DLGAP2: variants seen among roughly 807,000 people sequenced by gnomAD.
DLGAP2 encodes the protein disks large-associated protein 2.
Under a neutral mutation model 100.3 loss-of-function variants are expected in DLGAP2, and 26 were observed. The observed-to-expected ratio is 0.26, with a 90% CI of 0.19 to 0.36. DLGAP2 has a LOEUF of 0.36. Ranked by LOEUF, DLGAP2 falls within the 10% of genes least tolerant of loss-of-function variation. The pLI is 1.00. For missense variants in DLGAP2, 1,858 were observed against 1,453.2 expected, an observed-to-expected ratio of 1.28 and a Z score of -4.53; for synonymous variants, 886 against 630.1, an observed-to-expected ratio of 1.41 and a Z score of -6.08.
chr8:1,025,872 CAA>C (rs1489981148), intron 2 of DLGAP2, among the ~76,000 whole-genome samples: 2 of 152,128 alleles, frequency 1.3e-5, no homozygotes, highest in African/African-American at 2.4e-5. Context: ...TGAGAAAAGA[CAA>C]TATACAAAGT....
intron 4 of DLGAP2, among the ~76,000 whole-genome samples, chr8:1,521,137 A>T (rs1377563489): frequency 6.7e-6 from 1 of 150,106 alleles, no homozygotes; most frequent in African/African-American, 2.5e-5. Context: ...CACTTGTTTT[A>T]ATTTGGAATA....
intron 3 of DLGAP2, among the ~76,000 whole-genome samples, chr8:1,277,105 C>T (rs906061975): frequency 6.6e-6 from 1 of 152,136 alleles, no homozygotes; most frequent in East Asian, 1.9e-4. Flanking sequence ...ATGTCCATAG[C>T]TTTATCTGCA....
At chr8:872,901 G>A (rs1038196114) in intron 1 of DLGAP2, among the ~76,000 whole-genome samples, 19 of 152,116 alleles carry the variant, frequency 1.2e-4, no homozygotes, top group Admixed American at 6.5e-4. Context: ...CCACAGATAC[G>A]CAGATCCACG....
intron 2 of DLGAP2, among the ~76,000 whole-genome samples, chr8:1,163,813 C>T (rs1796939229): frequency 6.6e-6 from 1 of 152,152 alleles, no homozygotes; most frequent in Admixed American, 6.5e-5. Flanking sequence ...CAGCTGCCCG[C>T]GGGGTGTGCT....
chr8:1,666,602 C>T (rs957397496), intron 8 of DLGAP2, among the ~76,000 whole-genome samples: 2 of 151,786 alleles, frequency 1.3e-5, no homozygotes, highest in African/African-American at 4.8e-5. Context: ...ATCGCTTGAA[C>T]ACAGGAGGCA....
At chr8:1,408,466 G>C (rs1282339679) in intron 3 of DLGAP2, among the ~76,000 whole-genome samples, 1 of 152,216 alleles carries the variant, frequency 6.6e-6, no homozygotes, top group East Asian at 1.9e-4. Context: ...ACCGTGTCAA[G>C]TCCTGAAGCC....
chr8:860,235 A>G (rs1474450889), intron 1 of DLGAP2, among the ~76,000 whole-genome samples: 3 of 152,122 alleles, frequency 2.0e-5, no homozygotes, highest in African/African-American at 7.2e-5. Context: ...TTTCAAACCC[A>G]CAGCTTAGAA....
intron 2 of DLGAP2, among the ~76,000 whole-genome samples, chr8:1,211,743 C>G (rs1043294504): frequency 2.0e-5 from 3 of 152,186 alleles, no homozygotes; most frequent in African/African-American, 4.8e-5. Context: ...GGCGTGGTAG[C>G]CCATGCCTGT....
chr8:1,495,145 C>T (rs970665048), intron 3 of DLGAP2, among the ~76,000 whole-genome samples: 1 of 152,174 alleles, frequency 6.6e-6, no homozygotes, highest in Non-Finnish European at 1.5e-5. Context: ...GGGCCAGCGT[C>T]AAGGTCAATG....
intron 2 of DLGAP2, among the ~76,000 whole-genome samples, chr8:1,179,743 A>G (rs936548525): frequency 6.6e-5 from 10 of 152,230 alleles, no homozygotes; most frequent in African/African-American, 2.4e-4. Context: ...TAATATTTTT[A>G]TGAAATATAA....
chr8:1,421,180 T>C (rs1234365663), intron 3 of DLGAP2, among the ~76,000 whole-genome samples: 1 of 152,250 alleles, frequency 6.6e-6, no homozygotes, highest in Non-Finnish European at 1.5e-5. Flanking sequence ...GCCGAGCTCA[T>C]TTTTCCTGGA....
At chr8:1,061,746 C>A (rs1803089901) in intron 2 of DLGAP2, among the ~76,000 whole-genome samples, 1 of 152,004 alleles carries the variant, frequency 6.6e-6, no homozygotes. Flanking sequence ...CCTCTCCCTC[C>A]CCGGTGAGGA....
At chr8:917,570 G>T (rs1335224335) in intron 2 of DLGAP2, among the ~76,000 whole-genome samples, 1 of 151,822 alleles carries the variant, frequency 6.6e-6, no homozygotes, top group Non-Finnish European at 1.5e-5. Flanking sequence ...TTACTGGACA[G>T]CGTCTCCAGA....
chr8:1,595,391 C>T (rs1796419909), intron 6 of DLGAP2, among the ~76,000 whole-genome samples: 2 of 152,178 alleles, frequency 1.3e-5, no homozygotes, highest in Admixed American at 6.5e-5. Context: ...CGGCCGGGCG[C>T]GGTGGCTCAC....
intron 3 of DLGAP2, among the ~76,000 whole-genome samples, chr8:1,260,589 C>T (rs1352440623): frequency 1.3e-5 from 2 of 151,062 alleles, no homozygotes; most frequent in African/African-American, 2.4e-5. Context: ...AGTCCTGGCT[C>T]AGGGATGGAT....
chr8:1,569,676 G>C (rs1312184544), intron 6 of DLGAP2, among the ~76,000 whole-genome samples: 1 of 152,226 alleles, frequency 6.6e-6, no homozygotes, highest in Non-Finnish European at 1.5e-5. Context: ...CATGATGCCT[G>C]TTTTATGGAC....
intron 2 of DLGAP2, 83 bp downstream of exon 2, chr8:908,049 ATATTTTGTGCATTTT>A: frequency 5.0e-6 from 2 of 397,718 alleles, no homozygotes; most frequent in African/African-American, 2.1e-5. Context: ...CCTAATTTAG[ATATTTTGTGCATTTT>A]TATTTTGTGG....
In DLGAP2 at chr8:752,114, G is replaced by A. The variant is rs181178830; in HGVS notation, c.18+14289G>A. 5.3e-4 allele frequency among the ~76,000 whole-genome samples: 81 copies of A among 152,310 alleles called. 2 individuals carry two copies. The highest frequency in any genetic ancestry group is 1.9e-3 in the African/African-American group (78 of 41,578). ...CAGTTTTCATCTCACTTGCCGCTTCGAGGTGAGGGTGCTGGGTTGCCTGCA... is the reference window on the plus strand; with the variant it reads ...CAGTTTTCATCTCACTTGCCGCTTCAAGGTGAGGGTGCTGGGTTGCCTGCA... On this transcript the variant is annotated intron_variant, in intron 1 of 14. Transcript: ENST00000637795.
intron 8 of DLGAP2, among the ~76,000 whole-genome samples, chr8:1,664,311 C>T (rs920133945): frequency 6.6e-6 from 1 of 152,154 alleles, no homozygotes; most frequent in Non-Finnish European, 1.5e-5. Flanking sequence ...GCTATGTCCG[C>T]TGGCCCGTCC....
Sources: allele counts gnomAD v4.1 joint callset (sites outside exome capture counted in the v4.1 genomes callset), GRCh38; gene constraint gnomAD v4.1.1; transcripts MANE v1.5; gene names NCBI Gene and HGNC (gene_info 2026-07-23, HGNC 2026-07-21).